Variants in PXK observed in about 807,000 individuals in gnomAD.
The protein encoded by PXK is PX domain-containing protein kinase-like protein.
A neutral mutation model predicts 84.7 loss-of-function variants in PXK; 35 were observed. The ratio of observed to expected loss-of-function variants is 0.41; its 90% CI spans 0.32 to 0.55. The LOEUF is 0.55. PXK is among the 20% of genes least tolerant of loss of function. The pLI is 0.21. For missense variants in PXK, 634 were observed against 699.7 expected (o/e 0.91, Z 1.06); for synonymous variants, 253 against 260.8 (o/e 0.97, Z 0.29).
At position 58,382,615 on chromosome 3, in the gene PXK, C is replaced by T. The variant is rs1051088917; in HGVS notation, c.303C>T (p.Asn101=). 19 of 1,606,248 alleles carry T rather than the reference C, an allele frequency of 1.2e-5. No homozygotes were observed. Among genetic ancestry groups the T allele is most frequent in the Middle Eastern group, 3.3e-4 (2 of 6,062 alleles). ...ERQKGLQNYL[N]VITTNHILSN... The stretch of plus-strand genomic sequence containing the variant: ...AGAAAGGTCTTCAGAACTATCTCAA[C>T]GTGATCACAACAAATCATATCTTGT... Residue 101 remains asparagine, a synonymous_variant, in exon 4 of 18, where the codon AAC becomes AAT. Transcript: ENST00000356151.
intron 8 of PXK, among the ~76,000 whole-genome samples, chr3:58,395,370 T>G (rs1368328713): frequency 6.6e-6 from 1 of 152,250 alleles, no homozygotes; most frequent in Non-Finnish European, 1.5e-5. Flanking sequence ...TTTAAGTTTG[T>G]GTTTTGCGCT....
intron 3 of PXK, among the ~76,000 whole-genome samples, chr3:58,372,479 C>T (rs185470335): frequency 0.014 from 2,142 of 150,350 alleles, 62 homozygotes; most frequent in African/African-American, 0.049. Context: ...CCCGCCACCA[C>T]GCCCGGCTAA....
chr3:58,422,111 T>C (rs2061973147), intron 17 of PXK: 1 of 985,368 alleles, frequency 1.0e-6, no homozygotes, highest in South Asian at 4.7e-5. Flanking sequence ...AGCCATGTGT[T>C]GTAGCTGAAG....
rs2058273886 is a variant in PXK at position 58,399,707 on chromosome 3, C to T, written c.1181+330C>T. Among the ~76,000 whole-genome samples the T allele has an allele frequency of 6.6e-6, 1 of 152,096 alleles. No individual in the cohort carries two copies. The highest frequency in any genetic ancestry group is 2.1e-4 in the South Asian group (1 of 4,826). ...AGGAAATACTGAAGGAGGGCCCTCT[C>T]AAGTGGCTCCTTTCTGACCCTGCAT... is the stretch of plus-strand genomic sequence containing the variant. On this transcript the variant is annotated intron_variant, in intron 12 of 17. Transcript: ENST00000356151. The surrounding 1 kb of genome is among the most constrained non-coding windows in gnomAD (Gnocchi z 4.3).
chr3:58,360,194 A>G (rs2098159226), intron 1 of PXK, among the ~76,000 whole-genome samples: 1 of 152,208 alleles, frequency 6.6e-6, no homozygotes, highest in Non-Finnish European at 1.5e-5. Flanking sequence ...AATGTTTTAT[A>G]ACCCCATATA....
chr3:58,366,797 A>C (rs1391063193), intron 2 of PXK, among the ~76,000 whole-genome samples: 1 of 152,210 alleles, frequency 6.6e-6, no homozygotes, highest in African/African-American at 2.4e-5. Context: ...AAAATGTCCT[A>C]TGTGGTAGTA....
intron 13 of PXK, among the ~76,000 whole-genome samples, chr3:58,406,709 C>G (rs1049418406): frequency 4.6e-5 from 7 of 152,156 alleles, no homozygotes; most frequent in Non-Finnish European, 1.0e-4. Context: ...ACTCTATACC[C>G]ATAGAATAAT....
intron 1 of PXK, among the ~76,000 whole-genome samples, chr3:58,354,856 G>T (rs908746586): frequency 6.6e-6 from 1 of 151,938 alleles, no homozygotes; most frequent in Non-Finnish European, 1.5e-5. Context: ...AGTGGCTCGC[G>T]CTTGTAATCC....
At position 58,364,458 on chromosome 3, in the gene PXK, T is replaced by TC. The variant is rs2098239819; in HGVS notation, c.103-1413dup. Among the ~76,000 whole-genome samples, 1 of 152,138 alleles carries TC rather than the reference T, an allele frequency of 6.6e-6. No homozygotes were observed. Among genetic ancestry groups the TC allele is most frequent in the African/African-American group, 2.4e-5 (1 of 41,424 alleles). ...TGGGCGCGGTGGCTCACGCCTGTAA[T>TC]CCCAGCACTTTGGGAGGCCGAGGTG... On this transcript the variant is annotated intron_variant, in intron 1 of 17. Transcript: ENST00000356151. The surrounding 1 kb of genome is among the most constrained non-coding windows in gnomAD (Gnocchi z 4.3).
At chr3:58,404,291 C>G (rs1289954111) in intron 13 of PXK, among the ~76,000 whole-genome samples, 1 of 152,150 alleles carries the variant, frequency 6.6e-6, no homozygotes, top group Non-Finnish European at 1.5e-5. Context: ...AGAATGATAT[C>G]TTACTTTGTT....
At chr3:58,394,912 A>G (rs985454509) in intron 7 of PXK, 86 bp from the exon 8 acceptor site, 16 of 968,838 alleles carry the variant, frequency 1.7e-5, no homozygotes, top group Middle Eastern at 4.3e-4. Context: ...CCACAGTGCT[A>G]CTTGACTCTG....
At position 58,397,833 on chromosome 3, in the gene PXK, A is replaced by G. The variant is rs2107183848; in HGVS notation, c.1102+111A>G. ...GAGGAAGTTGCTGTCCTCCACAGCC[A>G]GAAATTCTTACAAAATTTAAAAGTA... On this transcript the variant is annotated intron_variant, in intron 11 of 17. Transcript: ENST00000356151. The surrounding 1 kb of genome is among the most constrained non-coding windows in gnomAD (Gnocchi z 4.7). 1 of 792,186 alleles carries G rather than the reference A, an allele frequency of 1.3e-6. No individual in the cohort carries two copies. Among genetic ancestry groups the G allele is most frequent in the Non-Finnish European group, 2.0e-6 (1 of 500,850 alleles). The allele number at this position is 792,186 out of a possible 1,614,324, so 49.1% of individuals were successfully genotyped here.
At chr3:58,424,165 G>A (rs527370042) in intron 17 of PXK, among the ~76,000 whole-genome samples, 10 of 152,080 alleles carry the variant, frequency 6.6e-5, no homozygotes, top group Non-Finnish European at 1.5e-4. Context: ...ATTATTATTC[G>A]AGACAGACTC....
Position 58,417,093 on chromosome 3 carries a change from CAG to C in PXK, c.1528+4131_1528+4132del, listed in dbSNP as rs569273726. On this transcript the variant is annotated intron_variant, in intron 17 of 17. Transcript: ENST00000356151. ...CTAATTTTTAAATTTTTTGTAGAGA[CAG>C]GGGTCTCATCATGTTGCCCAGGTTG... Among the ~76,000 whole-genome samples the C allele has an allele frequency of 3.2e-4, 48 of 152,212 alleles. No individual in the cohort carries two copies. In the South Asian group the frequency reaches 8.9e-3, roughly 28 times the overall value.
chr3:58,400,667 TTGGGAGGCTGAGGCGGG>T lies in PXK; in HGVS notation c.1181+1294_1181+1310del, dbSNP rs1222317736. 1.3e-5 allele frequency among the ~76,000 whole-genome samples: 2 copies of T among 152,124 alleles called. No individual in the cohort carries two copies. The highest frequency in any genetic ancestry group is 4.8e-5 in the African/African-American group (2 of 41,420). On this transcript the variant is annotated intron_variant, in intron 12 of 17. Transcript: ENST00000356151. This position sits in a 1 kb window ranked among gnomAD's most constrained non-coding sequence, Gnocchi z 4.0. ...GGCTCATGCCTATAATCCCAGCACT[TTGGGAGGCTGAGGCGGG>T]TGGATCACTTGAGGTCAGGAGTTCA...
At chr3:58,373,959 G>A (rs113651330) in intron 3 of PXK, among the ~76,000 whole-genome samples, 3,743 of 151,344 alleles carry the variant, frequency 0.025, 155 homozygotes, top group African/African-American at 0.086. Context: ...GCAGGAGAAT[G>A]GCGTGAACCC....
chr3:58,364,918 T>C lies in PXK; in HGVS notation c.103-956T>C, dbSNP rs916003550. ...ATTCTTGATATTAATAATACATGTC[T>C]TATCTTTATTTTGTCCATTTTTGTC... is the stretch of plus-strand genomic sequence containing the variant. On this transcript the variant is annotated intron_variant, in intron 1 of 17. Coordinates refer to ENST00000356151, the MANE Select transcript of PXK (RefSeq NM_017771.5). The surrounding 1 kb of genome is among the most constrained non-coding windows in gnomAD (Gnocchi z 4.3). Among the ~76,000 whole-genome samples the C allele has an allele frequency of 2.6e-5, 4 of 152,150 alleles. No individual in the cohort carries two copies. The highest frequency in any genetic ancestry group is 5.9e-5 in the Non-Finnish European group (4 of 68,026).
In PXK at chr3:58,425,713, T is replaced by C. The variant is rs1426936069; in HGVS notation, c.*753T>C. The C allele has an allele frequency of 6.6e-6, 1 of 152,178 alleles. No individual in the cohort carries two copies. The highest frequency in any genetic ancestry group is 1.5e-5 in the Non-Finnish European group (1 of 68,016). The allele number at this position is 152,178 out of a possible 1,614,324, so 9.4% of individuals were successfully genotyped here. ...AATCCTCAGCAATTAAGTTTGGGGT[T>C]TGAGGGGGGCAGGTCATTGTTACAA... On this transcript the variant is annotated 3_prime_UTR_variant, in exon 18 of 18. Transcript: ENST00000356151.
intron 13 of PXK, among the ~76,000 whole-genome samples, chr3:58,405,039 T>G (rs1003375136): frequency 6.6e-6 from 1 of 152,204 alleles, no homozygotes; most frequent in Non-Finnish European, 1.5e-5. Context: ...GCCTTTAGGA[T>G]TCAGGAGTTA....
Sources: allele counts gnomAD v4.1 joint callset (sites outside exome capture counted in the v4.1 genomes callset), GRCh38; gene constraint gnomAD v4.1.1; non-coding constraint Gnocchi (gnomAD v3.1); transcripts MANE v1.5; gene names NCBI Gene and HGNC (gene_info 2026-07-23, HGNC 2026-07-21).